TMEM230: variants seen among roughly 807,000 people sequenced by gnomAD.
TMEM230 encodes the protein UPF0414 transmembrane protein C20orf30.
In TMEM230, 10 loss-of-function variants were observed where a neutral mutation model predicts 15.8. The ratio of observed to expected loss-of-function variants is 0.63; its 90% CI spans 0.39 to 1.07. The LOEUF (loss-of-function observed/expected upper bound fraction) is 1.07, where lower values mean the gene tolerates loss of function less well. Ranked by LOEUF, TMEM230 falls within the 50% of genes least tolerant of loss-of-function variation. The pLI is 0.01. For synonymous variants in TMEM230, 67 were observed against 76.9 expected (o/e 0.87, Z 0.68); for missense variants, 165 against 193.3 (o/e 0.85, Z 0.87).
At chr20:5,059,763 A>ATTTT in the TMEM230 span, among the ~76,000 whole-genome samples, 10 of 61,318 alleles carry the variant, frequency 1.6e-4, no homozygotes, top group African/African-American at 4.2e-4. Flanking sequence ...CTTCCAGCTA[A>ATTTT]TTTTTTTTTT....
downstream of TMEM230, among the ~76,000 whole-genome samples, chr20:5,063,320 C>T (rs1421719670): frequency 2.4e-5 from 3 of 124,554 alleles, no homozygotes; most frequent in Non-Finnish European, 4.7e-5. Flanking sequence ...TGGAGTCTCG[C>T]TCTGTCACCC....
At chr20:5,096,571 C>T (rs1263212284), downstream of TMEM230, among the ~76,000 whole-genome samples, 1 of 152,204 alleles carries the variant, frequency 6.6e-6, no homozygotes, top group Non-Finnish European at 1.5e-5. Context: ...CCTTACCATA[C>T]ACCAGTGGCA....
chr20:5,090,638 T>C (rs1456851252), intron 3 of TMEM230, among the ~76,000 whole-genome samples: 1 of 152,048 alleles, frequency 6.6e-6, no homozygotes. Context: ...AAACTAAAAG[T>C]TGTGTCAGAA....
At chr20:5,067,737 G>A (rs977392878), downstream of TMEM230, among the ~76,000 whole-genome samples, 1 of 141,196 alleles carries the variant, frequency 7.1e-6, no homozygotes, top group Non-Finnish European at 1.5e-5. Flanking sequence ...CACCACACCC[G>A]GCCTCCCCAC....
intron 3 of TMEM230, among the ~76,000 whole-genome samples, chr20:5,085,233 C>T (rs2089299453): frequency 6.6e-6 from 1 of 152,004 alleles, no homozygotes; most frequent in Non-Finnish European, 1.5e-5. Context: ...AGCAACTCTC[C>T]TCCAATTCTC....
Position 5,079,736 on chromosome 20 carries a change from T to C in TMEM230, c.223-10387A>G, listed in dbSNP as rs192757324. Among the ~76,000 whole-genome samples the C allele has an allele frequency of 1.5e-3, 227 of 152,122 alleles. 3 individuals carry two copies. Among genetic ancestry groups the C allele is most frequent in the Middle Eastern group, 3.4e-3 (1 of 292 alleles). On this transcript the variant is annotated intron_variant, in intron 3 of 3. Coordinates refer to the TMEM230 transcript ENST00000612323. ...ATTTTTAAAAAAGAAGAAAAAAAAATTGGAAAGCCTTATTTTCTCTCTCTC... is the reference window on the plus strand; with the variant it reads ...ATTTTTAAAAAAGAAGAAAAAAAAACTGGAAAGCCTTATTTTCTCTCTCTC...
At chr20:5,082,922 G>GTTTTTTTTTTTTTTTTTT (rs140284230) in intron 3 of TMEM230, among the ~76,000 whole-genome samples, 1 of 127,254 alleles carries the variant, frequency 7.9e-6, no homozygotes, top group Non-Finnish European at 1.6e-5. Flanking sequence ...TCTTCATATT[G>GTTTTTTTTTTTTTTTTTT]TTTTTTTTTT....
At position 5,100,832 on chromosome 20, in the gene TMEM230, G is replaced by A. The variant is rs143571424; in HGVS notation, c.511C>T (p.Arg171Cys). 2.2e-3 allele frequency: 3,476 copies of A among 1,614,082 alleles called. 5 individuals are homozygous for A. Among genetic ancestry groups the A allele is most frequent in the Non-Finnish European group, 2.2e-3 (2,574 of 1,180,020 alleles). Residue 171 changes from arginine (R) to cysteine (C), a missense_variant, in exon 5 of 5, where the codon CGT (arginine) becomes TGT (cysteine). Arg to Cys is a radical substitution (Grantham distance 180). Coordinates refer to ENST00000342308, the MANE Select transcript of TMEM230 (RefSeq NM_001009923.2). ...GGAATGTCATCATAGGAGTAACCAC[G>A]GTAGCCTTTGGATGCATAGTAAGCG...
At chr20:5,079,946 C>CTTT (rs2089131227) in intron 3 of TMEM230, among the ~76,000 whole-genome samples, 1 of 152,096 alleles carries the variant, frequency 6.6e-6, no homozygotes, top group Non-Finnish European at 1.5e-5. Context: ...GTTTAAAAAA[C>CTTT]TGCATAGTTT....
At chr20:5,072,093 C>T (rs2088846479) in intron 3 of TMEM230, among the ~76,000 whole-genome samples, 1 of 152,150 alleles carries the variant, frequency 6.6e-6, no homozygotes, top group Admixed American at 6.5e-5. Flanking sequence ...CTCTGTCGCC[C>T]AGGCTGGAGT....
downstream of TMEM230, among the ~76,000 whole-genome samples, chr20:5,094,970 A>G (rs965424420): frequency 6.6e-6 from 1 of 152,122 alleles, no homozygotes; most frequent in Non-Finnish European, 1.5e-5. Flanking sequence ...GCAAAGGGGC[A>G]CTGCTTTTCT....
downstream of TMEM230, among the ~76,000 whole-genome samples, chr20:5,064,194 G>A (rs2088630942): frequency 6.6e-6 from 1 of 152,146 alleles, no homozygotes; most frequent in African/African-American, 2.4e-5. Context: ...TTGAACCCAG[G>A]AGGCGGAGGT....
At chr20:5,085,360 C>T (rs1287564762) in intron 3 of TMEM230, among the ~76,000 whole-genome samples, 2 of 152,044 alleles carry the variant, frequency 1.3e-5, no homozygotes, top group African/African-American at 2.4e-5. Context: ...ACAATCTCAG[C>T]TCACTGCAAC....
chr20:5,086,538 C>CAAAAA (rs542162305), intron 3 of TMEM230, among the ~76,000 whole-genome samples: 2 of 89,036 alleles, frequency 2.2e-5, no homozygotes, highest in Non-Finnish European at 4.4e-5. Flanking sequence ...GACTCTGTCT[C>CAAAAA]AAAAAAAAAA....
At chr20:5,066,865 T>G (rs959673536), downstream of TMEM230, among the ~76,000 whole-genome samples, 2 of 152,028 alleles carry the variant, frequency 1.3e-5, no homozygotes, top group Non-Finnish European at 2.9e-5. Flanking sequence ...TTCCAGTCTC[T>G]GGCCCCCACC....
downstream of TMEM230, among the ~76,000 whole-genome samples, chr20:5,097,778 G>A (rs2089706804): frequency 6.6e-6 from 1 of 151,768 alleles, no homozygotes; most frequent in Admixed American, 6.6e-5. Flanking sequence ...TGGGATATAG[G>A]TGCCCGCCAC....
At chr20:5,090,053 G>GA (rs1390640929) in intron 3 of TMEM230, among the ~76,000 whole-genome samples, 3 of 151,314 alleles carry the variant, frequency 2.0e-5, no homozygotes, top group African/African-American at 7.3e-5. Flanking sequence ...GGAGTTGAAA[G>GA]AAAAAAACTG....
chr20:5,085,606 C>G (rs1363858548), intron 3 of TMEM230, among the ~76,000 whole-genome samples: 1 of 152,096 alleles, frequency 6.6e-6, no homozygotes, highest in Non-Finnish European at 1.5e-5. Context: ...TTTCATGAGC[C>G]AAGTTCCTCT....
chr20:5,062,847 ATGGAATACAATGTGGGAAACAC>A, the TMEM230 span, among the ~76,000 whole-genome samples: 3 of 152,174 alleles, frequency 2.0e-5, no homozygotes, highest in Non-Finnish European at 1.5e-5. Context: ...CTGGTATTCT[ATGGAATACAATGTGGGAAACAC>A]TGGCTTGGGG....
Sources: gnomAD v4.1 joint callset for allele counts (sites outside exome capture counted in the v4.1 genomes callset) on GRCh38, gnomAD v4.1.1 for gene constraint, MANE v1.5 for transcripts, NCBI Gene and HGNC (gene_info 2026-07-23, HGNC 2026-07-21) for gene names.